The following PALLD variants were observed in gnomAD, a reference collection of about 807,000 sequenced individuals.
PALLD encodes the protein palladin, cytoskeletal associated protein.
A neutral mutation model predicts 123.5 loss-of-function variants in PALLD; 61 were observed. The ratio of observed to expected loss-of-function variants is 0.49; its 90% CI spans 0.40 to 0.61. The LOEUF is 0.61. Ranked by LOEUF, PALLD falls within the 20% of genes least tolerant of loss-of-function variation. PALLD has a pLI of 0.00. For missense variants in PALLD, 1,273 were observed against 1,377.0 expected (o/e 0.92, Z 1.20); for synonymous variants, 465 against 496.4 (o/e 0.94, Z 0.84).
At chr4:168,831,372 C>A (rs765766209) in intron 10 of PALLD, among the ~76,000 whole-genome samples, 16 of 152,186 alleles carry the variant, frequency 1.1e-4, no homozygotes, top group Non-Finnish European at 1.9e-4. Flanking sequence ...AGGATAGGGA[C>A]CGGGTTCCTC....
chr4:168,715,463 T>C (rs957476786), intron 10 of PALLD, among the ~76,000 whole-genome samples: 1 of 152,134 alleles, frequency 6.6e-6, no homozygotes, highest in Non-Finnish European at 1.5e-5. Flanking sequence ...AATCACATCA[T>C]GAAAGAAGCA....
chr4:168,605,666 G>C (rs766794148), intron 2 of PALLD, among the ~76,000 whole-genome samples: 1 of 152,196 alleles, frequency 6.6e-6, no homozygotes, highest in Non-Finnish European at 1.5e-5. Context: ...CACTGGGCTT[G>C]GTGCATCTGC....
chr4:168,877,588 A>T (rs1751922813), intron 10 of PALLD: 1 of 245,690 alleles, frequency 4.1e-6, no homozygotes, highest in Non-Finnish European at 7.1e-6. Flanking sequence ...GGGCCTGCTA[A>T]CGTGTGCCCG....
Position 168,511,365 on chromosome 4 carries a change from T to A in PALLD, c.-82-58T>A, listed in dbSNP as rs1407640468. The A allele has an allele frequency of 6.1e-6, 4 of 658,248 alleles. No individual in the cohort carries two copies. In the African/African-American group the frequency reaches 7.2e-5, roughly 12 times the overall value. The allele number at this position is 658,248 out of a possible 1,614,324, so 40.8% of individuals were successfully genotyped here. ...CTCCCAATTTGTGACTTACAAGTTTTATGATTAAAATGGGGAAAAAATCAT... is the reference window on the plus strand; with the variant it reads ...CTCCCAATTTGTGACTTACAAGTTTAATGATTAAAATGGGGAAAAAATCAT... On this transcript the variant is annotated intron_variant, in intron 1 of 21. Transcript: ENST00000505667.
At chr4:168,594,072 T>G (rs1771730929) in intron 2 of PALLD, among the ~76,000 whole-genome samples, 1 of 152,144 alleles carries the variant, frequency 6.6e-6, no homozygotes. Flanking sequence ...CAGTCACCAT[T>G]AGGAAAATTC....
chr4:168,621,600 G>A (rs1269209789), intron 2 of PALLD, among the ~76,000 whole-genome samples: 3 of 152,148 alleles, frequency 2.0e-5, no homozygotes, highest in African/African-American at 7.2e-5. Context: ...TCTGGAATTT[G>A]TAAAGACCAT....
chr4:168,900,591 G>T (rs114687036), intron 14 of PALLD, among the ~76,000 whole-genome samples: 1 of 152,060 alleles, frequency 6.6e-6, no homozygotes, highest in Admixed American at 6.6e-5. Context: ...GCATTGTTTT[G>T]TTTTCCCACC....
At chr4:168,923,551 C>T (rs145972440) in intron 18 of PALLD, among the ~76,000 whole-genome samples, 6 of 151,866 alleles carry the variant, frequency 4.0e-5, no homozygotes, top group African/African-American at 1.4e-4. Flanking sequence ...TATTAACAAT[C>T]AGTCCTGAAT....
rs570191485 is a variant in PALLD, at chr4:168,866,039, G to A, written c.1965-24883G>A. ...TCACACCTGTAATCCCAGCACTTGG[G>A]GAGGCCAAGGTGGGAGGACTGCTTG... On this transcript the variant is annotated intron_variant, in intron 10 of 21. Transcript: ENST00000505667. Among the ~76,000 whole-genome samples the A allele has an allele frequency of 3.2e-4, 48 of 152,112 alleles. 1 individual carries two copies. In the South Asian group the frequency reaches 7.3e-3, roughly 23 times the overall value.
chr4:168,635,922 A>G (rs545846515), intron 2 of PALLD, among the ~76,000 whole-genome samples: 1 of 152,362 alleles, frequency 6.6e-6, no homozygotes, highest in South Asian at 2.1e-4. Flanking sequence ...TATGATGGAA[A>G]TCAAACTACA....
intron 2 of PALLD, among the ~76,000 whole-genome samples, chr4:168,628,506 G>A (rs150437280): frequency 1.8e-4 from 27 of 152,102 alleles, no homozygotes; most frequent in African/African-American, 6.5e-4. Context: ...TTCCTCAAAC[G>A]TGCTAGGCAT....
chr4:168,757,501 T>C (rs1732052427), intron 10 of PALLD, among the ~76,000 whole-genome samples: 1 of 152,264 alleles, frequency 6.6e-6, no homozygotes, highest in Admixed American at 6.5e-5. Context: ...AAATCTATTA[T>C]GAGAACAACT....
At position 168,781,239 on chromosome 4, in the gene PALLD, A is replaced by G. The variant is rs1449832892; in HGVS notation, c.1964+69316A>G. On this transcript the variant is annotated intron_variant, in intron 10 of 21. Transcript: ENST00000505667. ...GAGAATTACTGGACTTTGGCTATGTATACACCAGGTTTGTGACTGTTGAAC... is the reference window on the plus strand; with the variant it reads ...GAGAATTACTGGACTTTGGCTATGTGTACACCAGGTTTGTGACTGTTGAAC... Among the ~76,000 whole-genome samples, 3 of 152,232 alleles carry G rather than the reference A, an allele frequency of 2.0e-5. No homozygotes were observed. The East Asian group carries it at 5.8e-4, about 29-fold the overall frequency.
At chr4:168,827,274 G>T (rs562447627) in intron 10 of PALLD, among the ~76,000 whole-genome samples, 2 of 152,324 alleles carry the variant, frequency 1.3e-5, no homozygotes, top group East Asian at 1.9e-4. Flanking sequence ...CCTCGGAGGG[G>T]TGCCCTTTCC....
At chr4:168,659,693 T>TG (rs957303440) in intron 2 of PALLD, among the ~76,000 whole-genome samples, 1 of 152,246 alleles carries the variant, frequency 6.6e-6, no homozygotes, top group African/African-American at 2.4e-5. Flanking sequence ...TTAGCAAAGT[T>TG]GGAGAACATT....
At chr4:168,904,057 G>A (rs959656488) in intron 15 of PALLD, 151 bp downstream of exon 15, 3 of 744,132 alleles carry the variant, frequency 4.0e-6, no homozygotes, top group Non-Finnish European at 6.9e-6. Flanking sequence ...TGGTTTCAGA[G>A]GATAGAAAAA....
chr4:168,575,481 C>G (rs1769470591), intron 2 of PALLD, among the ~76,000 whole-genome samples: 1 of 152,040 alleles, frequency 6.6e-6, no homozygotes, highest in Non-Finnish European at 1.5e-5. Context: ...CCAATCATCT[C>G]CCTCCCTCAA....
intron 5 of PALLD, among the ~76,000 whole-genome samples, chr4:168,684,974 G>A (rs1315485582): frequency 6.6e-6 from 1 of 152,080 alleles, no homozygotes; most frequent in Non-Finnish European, 1.5e-5. Flanking sequence ...AGGTATTTTA[G>A]CACGTTTCTT....
At chr4:168,857,189 A>G (rs947158066) in intron 10 of PALLD, among the ~76,000 whole-genome samples, 1 of 152,174 alleles carries the variant, frequency 6.6e-6, no homozygotes, top group Admixed American at 6.5e-5. Flanking sequence ...TGATTTTGTT[A>G]GCTAGCCAAA....
Sources: gnomAD v4.1 joint callset for allele counts (sites outside exome capture counted in the v4.1 genomes callset) on GRCh38, gnomAD v4.1.1 for gene constraint, MANE v1.5 for transcripts, NCBI Gene and HGNC (gene_info 2026-07-23, HGNC 2026-07-21) for gene names.